DNAH7: variants seen among roughly 807,000 people sequenced by gnomAD.
DNAH7 encodes axonemal beta dynein heavy chain 7.
Under a neutral mutation model 444.6 loss-of-function variants are expected in DNAH7, and 397 were observed. The ratio of observed to expected loss-of-function variants is 0.89; its 90% CI spans 0.82 to 0.97. The LOEUF (loss-of-function observed/expected upper bound fraction) is 0.97. Among genes scored for constraint, DNAH7 ranks in the 50% least tolerant of loss-of-function variants. DNAH7 has a pLI of 0.00. For synonymous variants in DNAH7, 1,636 were observed against 1,624.4 expected (o/e 1.01, Z -0.17); for missense variants, 4,902 against 4,800.8 (o/e 1.02, Z -0.62).
At chr2:195,782,597 TC>T (rs899368529) in intron 58 of DNAH7, among the ~76,000 whole-genome samples, 1 of 151,886 alleles carries the variant, frequency 6.6e-6, no homozygotes, top group Non-Finnish European at 1.5e-5. Context: ...GCCATTTTTT[TC>T]CAAAAAAAAT....
rs191691475 is a variant in DNAH7, at chr2:195,739,280, G to T, written c.11869-1153C>A. Among the ~76,000 whole-genome samples, 282 of 152,272 alleles carry T rather than the reference G, an allele frequency of 1.9e-3. 2 individuals carry two copies. Among genetic ancestry groups the T allele is most frequent in the African/African-American group, 6.1e-3 (254 of 41,538 alleles). On this transcript the variant is annotated intron_variant, in intron 64 of 64. Transcript: ENST00000312428. ...TTTTGTGCCCATGGTATTTTAAAAT[G>T]TATGACAGCTTTCTCGCAATTGGCT...
intron 15 of DNAH7, among the ~76,000 whole-genome samples, chr2:195,978,798 T>G (rs1043498355): frequency 2.0e-5 from 3 of 152,050 alleles, no homozygotes; most frequent in Non-Finnish European, 1.5e-5. Context: ...AAAAAGTAGA[T>G]TTCAAGATAA....
In DNAH7 at chr2:196,038,821, C is replaced by T. The variant is rs374759460; in HGVS notation, c.398+8531G>A. ...ATTATATAATGAAAAGGGATCAATT[C>T]ACCAAGTAGATCTAATTATAAATAT... On this transcript the variant is annotated intron_variant, in intron 5 of 64. Transcript: ENST00000312428. 3.1e-4 allele frequency among the ~76,000 whole-genome samples: 47 copies of T among 152,238 alleles called. No individual in the cohort carries two copies. In the East Asian group the frequency reaches 7.3e-3, roughly 24 times the overall value.
intron 63 of DNAH7, among the ~76,000 whole-genome samples, chr2:195,752,800 G>T (rs1693865259): frequency 6.6e-6 from 1 of 152,128 alleles, no homozygotes; most frequent in African/African-American, 2.4e-5. Context: ...AGACAGAAGA[G>T]AATTCATGGG....
chr2:195,744,038 C>T (rs781505412), intron 63 of DNAH7, among the ~76,000 whole-genome samples: 30 of 152,314 alleles, frequency 2.0e-4, no homozygotes, highest in East Asian at 1.2e-3. Flanking sequence ...GCGCACCATG[C>T]GCCACCCGAA....
chr2:195,924,092 T>G (rs576449605), intron 22 of DNAH7, among the ~76,000 whole-genome samples: 16 of 152,324 alleles, frequency 1.1e-4, no homozygotes, highest in African/African-American at 2.2e-4. Context: ...TCAATCATAT[T>G]GCCCACTCTC....
chr2:195,999,389 G>A (rs1693903566), intron 12 of DNAH7: 1 of 607,378 alleles, frequency 1.6e-6, no homozygotes, highest in Non-Finnish European at 2.9e-6. Flanking sequence ...TCCTTGGTCT[G>A]CAAGGGTCTG....
chr2:195,901,112 A>G (rs1418603044), intron 27 of DNAH7: 4 of 152,172 alleles, frequency 2.6e-5, no homozygotes, highest in Non-Finnish European at 5.9e-5. Context: ...AATGTATTAT[A>G]TTCTTGAAAT....
At chr2:195,842,523 A>G (rs531964485) in intron 47 of DNAH7, among the ~76,000 whole-genome samples, 1 of 152,276 alleles carries the variant, frequency 6.6e-6, no homozygotes, top group African/African-American at 2.4e-5. Flanking sequence ...CACTTTAAAC[A>G]TATTTACTGA....
intron 40 of DNAH7, among the ~76,000 whole-genome samples, chr2:195,866,472 A>G (rs928390336): frequency 2.0e-5 from 3 of 152,234 alleles, no homozygotes; most frequent in Non-Finnish European, 4.4e-5. Flanking sequence ...CCAATGGCCA[A>G]TCTTTGAATT....
In DNAH7 at chr2:195,858,737, C is replaced by T. The variant is rs778066067; in HGVS notation, c.7804G>A (p.Val2602Ile). 1.4e-5 allele frequency: 22 copies of T among 1,613,810 alleles called. No individual in the cohort carries two copies. The East Asian group carries it at 4.5e-4, about 33-fold the overall frequency. ...LEKLDSASSQ[V>I]ATMQMELEAL... ...TCCAACTCCATCTGCATTGTGGCTA[C>T]TTGAGATGAAGCAGAATCCAGTTTC... The change falls in exon 43 of 65, where the codon GTA (valine) becomes ATA (isoleucine). Residue 2602 changes from valine to isoleucine, a missense_variant. Transcript: ENST00000312428.
chr2:196,019,504 A>G (rs1464189556), intron 8 of DNAH7, among the ~76,000 whole-genome samples: 2 of 152,160 alleles, frequency 1.3e-5, no homozygotes, highest in Non-Finnish European at 2.9e-5. Context: ...CTCTGAAATT[A>G]GATTTAAATC....
At chr2:195,792,129 T>G (rs1350855025) in intron 57 of DNAH7, among the ~76,000 whole-genome samples, 1 of 124,748 alleles carries the variant, frequency 8.0e-6, no homozygotes, top group East Asian at 2.4e-4. Context: ...ATTGAGCCAC[T>G]GCAATCCAAC....
intron 10 of DNAH7, among the ~76,000 whole-genome samples, chr2:196,009,904 A>C (rs1275416975): frequency 6.6e-6 from 1 of 152,248 alleles, no homozygotes; most frequent in African/African-American, 2.4e-5. Flanking sequence ...CAGGTATATG[A>C]AGAATGCCCA....
At position 195,917,050 on chromosome 2, in the gene DNAH7, C is replaced by T. The variant is rs548168842; in HGVS notation, c.3935+5038G>A. Among the ~76,000 whole-genome samples, 166 of 142,178 alleles carry T rather than the reference C, an allele frequency of 1.2e-3. 1 individual carries two copies. The highest frequency in any genetic ancestry group is 4.2e-3 in the African/African-American group (156 of 37,474). The allele number at this position is 142,178 out of a possible 152,430, so 93.3% of individuals were successfully genotyped here. On this transcript the variant is annotated intron_variant, in intron 24 of 64. Transcript: ENST00000312428. Reference sequence around the variant, plus strand: ...CCAGGAGGCAGAGCTTGCAGTGAGCCGAGATTGTGCCACGGCACTCCAGCC... The same window carrying T: ...CCAGGAGGCAGAGCTTGCAGTGAGCTGAGATTGTGCCACGGCACTCCAGCC...
intron 9 of DNAH7, 87 bp from the exon 10 acceptor site, chr2:196,012,993 AT>A: frequency 1.0e-6 from 1 of 955,388 alleles, no homozygotes; most frequent in Non-Finnish European, 1.5e-6. Flanking sequence ...TAAAAATATC[AT>A]ATTCCTAGGT....
At chr2:195,985,075 G>A (rs1408760226) in intron 14 of DNAH7, among the ~76,000 whole-genome samples, 1 of 152,130 alleles carries the variant, frequency 6.6e-6, no homozygotes, top group Non-Finnish European at 1.5e-5. Context: ...TAGTACAAAG[G>A]AAAGGAATGA....
rs1244594289 is a variant in DNAH7, at chr2:195,906,691, C to G, written c.4303G>C (p.Ala1435Pro). 6.8e-6 allele frequency: 11 copies of G among 1,613,156 alleles called. No homozygotes were observed. The highest frequency in any genetic ancestry group is 1.3e-5 in the African/African-American group (1 of 74,832). The stretch of plus-strand genomic sequence containing the variant: ...TTATCTGGCAGTTCTGATCGCCCAG[C>G]ATACCCAGGGTTCATTGTTATAAAG... ...AVFITMNPGYAGRSELPDNLK... is the reference protein window; with the variant it reads ...AVFITMNPGYPGRSELPDNLK... Residue 1435 changes from alanine to proline, a missense_variant, in exon 27 of 65, where the codon GCT becomes CCT. By Grantham distance (27) the Ala-to-Pro change is conservative. Coordinates refer to ENST00000312428, the MANE Select transcript of DNAH7 (RefSeq NM_018897.3).
intron 19 of DNAH7, 121 bp from the exon 20 acceptor site, chr2:195,936,913 G>T (rs563430851): frequency 1.2e-6 from 1 of 853,652 alleles, no homozygotes; most frequent in Non-Finnish European, 1.7e-6. Flanking sequence ...ATTTTAAGGG[G>T]AGTATTTGTT....
Sources: gnomAD v4.1 joint callset for allele counts (sites outside exome capture counted in the v4.1 genomes callset) on GRCh38, gnomAD v4.1.1 for gene constraint, MANE v1.5 for transcripts, NCBI Gene and HGNC (gene_info 2026-07-23, HGNC 2026-07-21) for gene names.